AP2A2: variants seen among roughly 807,000 people sequenced by gnomAD.
The protein encoded by AP2A2 is adaptor related protein complex 2 subunit alpha 2.
In AP2A2, 32 loss-of-function variants were observed where a neutral mutation model predicts 104.2. The ratio of observed to expected loss-of-function variants is 0.31; its 90% confidence interval spans 0.23 to 0.41. The LOEUF (loss-of-function observed/expected upper bound fraction) is 0.41, where lower values mean the gene tolerates loss of function less well. Among genes scored for constraint, AP2A2 ranks in the 10% least tolerant of loss-of-function variants. AP2A2 has a pLI of 1.00. For missense variants in AP2A2, 912 were observed against 1,261.0 expected (o/e 0.72, Z 4.19); for synonymous variants, 539 against 533.3 (o/e 1.01, Z -0.15).
chr11:1,001,888 C>T (rs1856040614), intron 15 of AP2A2, among the ~76,000 whole-genome samples: 1 of 152,194 alleles, frequency 6.6e-6, no homozygotes, highest in Non-Finnish European at 1.5e-5. Flanking sequence ...GGCTCTTGTG[C>T]ATGCGGCCGT....
At chr11:970,866 C>CATCT (rs1854803991) in intron 3 of AP2A2, among the ~76,000 whole-genome samples, 1 of 152,258 alleles carries the variant, frequency 6.6e-6, no homozygotes, top group Non-Finnish European at 1.5e-5. Context: ...CTCACCCCAC[C>CATCT]ATCTCCCCAG....
chr11:943,269 A>G (rs1043656200), intron 1 of AP2A2: 2 of 151,742 alleles, frequency 1.3e-5, no homozygotes, highest in Non-Finnish European at 2.9e-5. Context: ...TCACAACTCT[A>G]AGAGGGTCCA....
chr11:957,655 T>G (rs1854282421), intron 1 of AP2A2, among the ~76,000 whole-genome samples: 1 of 152,246 alleles, frequency 6.6e-6, no homozygotes, highest in African/African-American at 2.4e-5. Flanking sequence ...GTATGTATAA[T>G]ATCACAATTG....
At chr11:995,443 C>G (rs1855820029) in intron 14 of AP2A2, 1 of 455,532 alleles carries the variant, frequency 2.2e-6, no homozygotes, top group African/African-American at 2.0e-5. Context: ...GGCGGGCTTT[C>G]TGTTTGTCCA....
In AP2A2 at chr11:993,396, G is replaced by A. The variant is rs1199844671; in HGVS notation, c.1550+15G>A. 1.9e-6 allele frequency: 3 copies of A among 1,593,234 alleles called. No individual in the cohort carries two copies. Among genetic ancestry groups the A allele is most frequent in the African/African-American group, 1.4e-5 (1 of 73,886 alleles). ...CCGAGATCCAGGTGAGAGGCCCTTTGCGAGTCGGGGCTGTGTGCGCTCCGG... is the reference window on the plus strand; with the variant it reads ...CCGAGATCCAGGTGAGAGGCCCTTTACGAGTCGGGGCTGTGTGCGCTCCGG... On this transcript the variant is annotated intron_variant, in intron 12 of 21. Transcript: ENST00000448903. This position sits in a 1 kb window ranked among gnomAD's most constrained non-coding sequence, Gnocchi z 8.2.
In AP2A2 at chr11:993,069, C is replaced by T. The variant is rs1428286100; in HGVS notation, c.1453-215C>T. Reference sequence around the variant, plus strand: ...GAGCCTGTTGTGGATGCTGCAGCTCCCTCCAGGGCAGGTCAGCGTGTGGCA... The same window carrying T: ...GAGCCTGTTGTGGATGCTGCAGCTCTCTCCAGGGCAGGTCAGCGTGTGGCA... On this transcript the variant is annotated intron_variant, in intron 11 of 21. Coordinates refer to ENST00000448903, the MANE Select transcript of AP2A2 (RefSeq NM_012305.4). The surrounding 1 kb of genome is among the most constrained non-coding windows in gnomAD (Gnocchi z 8.2). Among the ~76,000 whole-genome samples the T allele has an allele frequency of 6.6e-6, 1 of 152,216 alleles. No individual in the cohort carries two copies. Among genetic ancestry groups the T allele is most frequent in the Non-Finnish European group, 1.5e-5 (1 of 68,040 alleles).
chr11:944,012 G>A (rs1487702746), intron 1 of AP2A2, among the ~76,000 whole-genome samples: 4 of 143,056 alleles, frequency 2.8e-5, no homozygotes, highest in East Asian at 2.2e-4. Context: ...GATGGCGAGA[G>A]TAAGAGAGTC....
chr11:1,009,246 G>T, intron 19 of AP2A2, 30 bp downstream of exon 19: 6 of 1,609,490 alleles, frequency 3.7e-6, no homozygotes, highest in Non-Finnish European at 5.1e-6. Flanking sequence ...TAGGGGTCAG[G>T]GGTGGGGACG....
chr11:927,282 C>T (rs1443131027), intron 1 of AP2A2, among the ~76,000 whole-genome samples: 1 of 151,980 alleles, frequency 6.6e-6, no homozygotes, highest in Non-Finnish European at 1.5e-5. Flanking sequence ...CTAGGCTGGT[C>T]TCGAAATCCT....
intron 1 of AP2A2, chr11:941,023 A>G: frequency 4.9e-6 from 2 of 408,598 alleles, no homozygotes; most frequent in Middle Eastern, 4.3e-4. Context: ...TGGAGCTCGG[A>G]GCTTTTGTGT....
chr11:1,005,350 A>G (rs1255376053), intron 16 of AP2A2, among the ~76,000 whole-genome samples: 1 of 152,174 alleles, frequency 6.6e-6, no homozygotes, highest in Non-Finnish European at 1.5e-5. Flanking sequence ...GGGATGGGGA[A>G]TTGGTGTTTA....
intron 10 of AP2A2, among the ~76,000 whole-genome samples, chr11:989,847 G>C (rs1025995801): frequency 6.6e-6 from 1 of 152,244 alleles, no homozygotes; most frequent in Non-Finnish European, 1.5e-5. Flanking sequence ...ACTGTGACCA[G>C]CCAGGACCAC....
rs1254269638 is a variant in AP2A2, at chr11:1,011,895, T to A, written c.*1270T>A. ...ACCCCACAATGTCTGCGGCTCTTCTTCCGGCGTGTCGGGCTTTGATCACAG... is the reference window on the plus strand; with the variant it reads ...ACCCCACAATGTCTGCGGCTCTTCTACCGGCGTGTCGGGCTTTGATCACAG... On this transcript the variant is annotated 3_prime_UTR_variant, in exon 22 of 22. Coordinates refer to ENST00000448903, the MANE Select transcript of AP2A2 (RefSeq NM_012305.4). The A allele has an allele frequency of 5.2e-6, 1 of 191,634 alleles. No individual in the cohort carries two copies. Among genetic ancestry groups the A allele is most frequent in the African/African-American group, 2.4e-5 (1 of 41,954 alleles). 11.9% of individuals were successfully genotyped at this position (191,634 alleles called of 1,614,324 possible). A position where few individuals can be genotyped will look rare whatever the true frequency, so the allele number is the denominator to read the frequency against.
At chr11:989,900 A>G (rs1855589659) in intron 10 of AP2A2, among the ~76,000 whole-genome samples, 1 of 152,130 alleles carries the variant, frequency 6.6e-6, no homozygotes, top group Admixed American at 6.5e-5. Flanking sequence ...TTGTATAGAA[A>G]GCGCTTTGTT....
intron 1 of AP2A2, among the ~76,000 whole-genome samples, chr11:949,777 AAAAG>A (rs973623301): frequency 9.9e-6 from 1 of 100,512 alleles, no homozygotes; most frequent in African/African-American, 3.7e-5. Context: ...TCTGTCTCAA[AAAAG>A]AAAAAAAAAA....
chr11:986,417 C>T (rs911695773), intron 8 of AP2A2, among the ~76,000 whole-genome samples: 6 of 152,244 alleles, frequency 3.9e-5, no homozygotes, highest in African/African-American at 9.6e-5. Context: ...CCGGCCTTCT[C>T]GGCCTTCTCC....
intron 1 of AP2A2, among the ~76,000 whole-genome samples, chr11:954,198 C>T (rs1288119676): frequency 2.6e-5 from 4 of 152,138 alleles, no homozygotes; most frequent in South Asian, 2.1e-4. Context: ...TTTGAGGGAG[C>T]TGGAGCTCAG....
intron 1 of AP2A2, among the ~76,000 whole-genome samples, chr11:935,289 C>T (rs1476288519): frequency 1.3e-5 from 2 of 152,116 alleles, no homozygotes; most frequent in African/African-American, 4.8e-5. Flanking sequence ...GATCTCTTGA[C>T]CTTGTGATCC....
chr11:1,006,689 T>A (rs1337072007), intron 17 of AP2A2, 72 bp downstream of exon 17: 1 of 1,219,938 alleles, frequency 8.2e-7, no homozygotes, highest in Non-Finnish European at 1.2e-6. Flanking sequence ...TTTGAGGAAG[T>A]TTTTTGGTTT....
Sources: allele counts gnomAD v4.1 joint callset (sites outside exome capture counted in the v4.1 genomes callset), GRCh38; gene constraint gnomAD v4.1.1; non-coding constraint Gnocchi (gnomAD v3.1); transcripts MANE v1.5; gene names NCBI Gene and HGNC (gene_info 2026-07-23, HGNC 2026-07-21).